MATN2: variants seen among roughly 807,000 people sequenced by gnomAD.
MATN2 encodes the protein matrilin-2.
In MATN2, 69 loss-of-function variants were observed where a neutral mutation model predicts 103.2. The ratio of observed to expected loss-of-function variants is 0.67; its 90% confidence interval spans 0.55 to 0.82. The LOEUF is 0.82. MATN2 is among the 40% of genes least tolerant of loss of function. MATN2 has a pLI of 0.00. For synonymous variants in MATN2, 429 were observed against 450.2 expected (o/e 0.95, Z 0.60); for missense variants, 1,023 against 1,211.5 (o/e 0.84, Z 2.31).
chr8:97,914,244 T>C (rs117987001), intron 2 of MATN2, among the ~76,000 whole-genome samples: 1 of 151,188 alleles, frequency 6.6e-6, no homozygotes, highest in East Asian at 2.0e-4. Flanking sequence ...GGCTGGGCCA[T>C]AGATGGAGAA....
Position 98,035,777 on chromosome 8 carries a change from C to A in MATN2, c.*65C>A. On this transcript the variant is annotated 3_prime_UTR_variant, in exon 19 of 19. Transcript: ENST00000254898. ...GGATTACAATGAACGCAGTGCAGAG[C>A]CCCAAAGCTCAGGCTATTGTTAAAT... 1 of 993,342 alleles carries A rather than the reference C, an allele frequency of 1.0e-6. No homozygotes were observed. The highest frequency in any genetic ancestry group is 1.7e-5 in the South Asian group (1 of 57,448). 61.5% of individuals were successfully genotyped at this position (993,342 alleles called of 1,614,324 possible). A position where few individuals can be genotyped will look rare whatever the true frequency, so the allele number is the denominator to read the frequency against.
chr8:97,924,078 T>C (rs1023405223), intron 2 of MATN2, among the ~76,000 whole-genome samples: 4 of 152,198 alleles, frequency 2.6e-5, no homozygotes, highest in Non-Finnish European at 4.4e-5. Context: ...CAGCTTCAAT[T>C]CTATAGGGAA....
intron 6 of MATN2, among the ~76,000 whole-genome samples, chr8:97,988,248 TAAAC>T (rs1221221590): frequency 7.3e-6 from 1 of 136,806 alleles, no homozygotes. Flanking sequence ...AGAAAAATCA[TAAAC>T]AAGTTTATGC....
chr8:98,007,409 G>T lies in MATN2; in HGVS notation c.1451-70G>T. The T allele has an allele frequency of 6.3e-7, 1 of 1,580,332 alleles. No individual in the cohort carries two copies. Among genetic ancestry groups the T allele is most frequent in the Non-Finnish European group, 8.7e-7 (1 of 1,155,898 alleles). ...GAGGGAGGGCGGGGTGAGCATGACG[G>T]TCACTTGATCCAATCACTGTCGCCC... On this transcript the variant is annotated intron_variant, in intron 9 of 18. Transcript: ENST00000254898. This position sits in a 1 kb window ranked among gnomAD's most constrained non-coding sequence, Gnocchi z 4.2.
intron 2 of MATN2, among the ~76,000 whole-genome samples, chr8:97,903,055 G>A (rs1819042901): frequency 6.6e-6 from 1 of 152,176 alleles, no homozygotes; most frequent in Non-Finnish European, 1.5e-5. Flanking sequence ...GGGCCCATGA[G>A]AAGTTGAGTT....
chr8:97,942,006 G>A lies in MATN2; in HGVS notation c.835+107G>A. ...CATCTGTGATGCCTCACCCACCCCAGTTATCATCCCTTGGGGACAGAAATA... is the reference window on the plus strand; with the variant it reads ...CATCTGTGATGCCTCACCCACCCCAATTATCATCCCTTGGGGACAGAAATA... On this transcript the variant is annotated intron_variant, in intron 4 of 18. Coordinates refer to ENST00000254898, the MANE Select transcript of MATN2 (RefSeq NM_002380.5). 2.9e-6 allele frequency: 4 copies of A among 1,365,308 alleles called. No individual in the cohort carries two copies. In the South Asian group the frequency reaches 3.8e-5, roughly 13 times the overall value. 84.6% of individuals were successfully genotyped at this position (1,365,308 alleles called of 1,614,324 possible).
chr8:98,007,685 T>C lies in MATN2; in HGVS notation c.1573+84T>C. Reference sequence around the variant, plus strand: ...TGCGCTGCCGACGTGTATATGTGCCTGTGTGTCCTGTCTCCAGGCTTTGCT... The same window carrying C: ...TGCGCTGCCGACGTGTATATGTGCCCGTGTGTCCTGTCTCCAGGCTTTGCT... On this transcript the variant is annotated intron_variant, in intron 10 of 18. Coordinates refer to ENST00000254898, the MANE Select transcript of MATN2 (RefSeq NM_002380.5). This position sits in a 1 kb window ranked among gnomAD's most constrained non-coding sequence, Gnocchi z 4.2. 2 of 1,483,750 alleles carry C rather than the reference T, an allele frequency of 1.3e-6. No individual in the cohort carries two copies. Among genetic ancestry groups the C allele is most frequent in the South Asian group, 2.6e-5 (2 of 78,392 alleles). The allele number at this position is 1,483,750 out of a possible 1,614,324, so 91.9% of individuals were successfully genotyped here. A position where few individuals can be genotyped will look rare whatever the true frequency, so the allele number is the denominator to read the frequency against.
At chr8:97,936,250 T>A (rs569959465) in intron 3 of MATN2, among the ~76,000 whole-genome samples, 1 of 152,334 alleles carries the variant, frequency 6.6e-6, no homozygotes, top group South Asian at 2.1e-4. Flanking sequence ...TGGTGATTCT[T>A]GCCACCTGGG....
At position 98,026,258 on chromosome 8, in the gene MATN2, T is replaced by A. The variant is rs1586170740; in HGVS notation, c.1943-1158T>A. 8.1e-5 allele frequency among the ~76,000 whole-genome samples: 12 copies of A among 148,806 alleles called. No homozygotes were observed. In the South Asian group the frequency reaches 2.5e-3, roughly 31 times the overall value. On this transcript the variant is annotated intron_variant, in intron 13 of 18. Coordinates refer to ENST00000254898, the MANE Select transcript of MATN2 (RefSeq NM_002380.5). ...GTGATAACTTTTTTTTTAATTTTGT[T>A]TTTTTTTTTTTTACGGAGAGATGCA...
chr8:97,972,916 C>G (rs1811710864), intron 5 of MATN2, among the ~76,000 whole-genome samples: 1 of 152,206 alleles, frequency 6.6e-6, no homozygotes. Context: ...GAACTTGGAA[C>G]AATAGAGCCA....
intron 2 of MATN2, among the ~76,000 whole-genome samples, chr8:97,897,468 A>C (rs1818852218): frequency 6.6e-6 from 1 of 152,210 alleles, no homozygotes; most frequent in African/African-American, 2.4e-5. Flanking sequence ...CCTACATGGG[A>C]GCCAGCCTCT....
intron 1 of MATN2, among the ~76,000 whole-genome samples, chr8:97,874,371 G>C (rs1817993630): frequency 6.6e-6 from 1 of 150,524 alleles, no homozygotes; most frequent in African/African-American, 2.4e-5. Context: ...CCACACCTCA[G>C]ATCTCTCTTC....
chr8:97,935,989 G>A (rs1021320807), intron 3 of MATN2, among the ~76,000 whole-genome samples: 4 of 152,198 alleles, frequency 2.6e-5, no homozygotes, highest in Non-Finnish European at 4.4e-5. Flanking sequence ...CTGTCTGGCT[G>A]TACAATCTTG....
At chr8:97,978,368 T>C (rs1157512678) in intron 5 of MATN2, among the ~76,000 whole-genome samples, 1 of 152,236 alleles carries the variant, frequency 6.6e-6, no homozygotes, top group East Asian at 1.9e-4. Context: ...ATGTTCATCT[T>C]ATTTTCTAGG....
chr8:97,931,056 C>T lies in MATN2; in HGVS notation c.246C>T (p.Asp82=). Residue 82 remains aspartate (D), a synonymous_variant, in exon 3 of 19, where the codon GAC becomes GAT. Transcript: ENST00000254898. This position sits in a 1 kb window ranked among gnomAD's most constrained non-coding sequence, Gnocchi z 4.1. The part of the protein sequence containing the change: ...DYAKVKEFIV[D]ILQFLDIGPD... Reference sequence around the variant, plus strand: ...CAAAGGTCAAGGAGTTCATCGTGGACATCTTGCAATTCTTGGACATTGGTC... The same window carrying T: ...CAAAGGTCAAGGAGTTCATCGTGGATATCTTGCAATTCTTGGACATTGGTC... 1 of 1,614,028 alleles carries T rather than the reference C, an allele frequency of 6.2e-7. No individual in the cohort carries two copies. The highest frequency in any genetic ancestry group is 8.5e-7 in the Non-Finnish European group (1 of 1,179,874).
intron 2 of MATN2, among the ~76,000 whole-genome samples, chr8:97,911,864 A>C (rs1809453717): frequency 6.6e-6 from 1 of 152,180 alleles, no homozygotes; most frequent in Admixed American, 6.5e-5. Flanking sequence ...CCAGGTGGGA[A>C]TAATAATAAC....
Position 97,927,349 on chromosome 8 carries a change from G to T in MATN2, c.143-3604G>T, listed in dbSNP as rs915524874. On this transcript the variant is annotated intron_variant, in intron 2 of 18. Transcript: ENST00000254898. ...TTATTTTTTTTTTTTTAGTAGAGAT[G>T]GGGTTTCTCCATGTTGGTCAGGCTG... Among the ~76,000 whole-genome samples the T allele has an allele frequency of 1.3e-4, 19 of 151,726 alleles. 1 individual carries two copies. The highest frequency in any genetic ancestry group is 3.3e-4 in the Admixed American group (5 of 15,236).
chr8:97,893,588 ATTTATTTAT>A (rs575827108), intron 2 of MATN2, among the ~76,000 whole-genome samples: 57,581 of 149,556 alleles, frequency 0.39, 12,733 homozygotes, highest in Non-Finnish European at 0.49. Flanking sequence ...TTATTTATTT[ATTTATTTAT>A]GATAGAGTCT....
chr8:97,910,277 C>T (rs755013874), intron 2 of MATN2, among the ~76,000 whole-genome samples: 8 of 151,968 alleles, frequency 5.3e-5, no homozygotes, highest in Non-Finnish European at 1.0e-4. Context: ...TGGCTGGTCT[C>T]GAACTCCTGA....
Sources: gnomAD v4.1 joint callset for allele counts (sites outside exome capture counted in the v4.1 genomes callset) on GRCh38, gnomAD v4.1.1 for gene constraint, Gnocchi (gnomAD v3.1) non-coding constraint, MANE v1.5 for transcripts, NCBI Gene and HGNC (gene_info 2026-07-23, HGNC 2026-07-21) for gene names.